SLC2A13: variants seen among roughly 807,000 people sequenced by gnomAD.
The protein encoded by SLC2A13 is solute carrier family 2 member 13, also known as proton myo-inositol cotransporter.
A neutral mutation model predicts 64.4 loss-of-function variants in SLC2A13; 32 were observed. The observed-to-expected ratio is 0.50, with a 90% CI of 0.37 to 0.67. SLC2A13 has a LOEUF of 0.67. Among genes scored for constraint, SLC2A13 ranks in the 30% least tolerant of loss-of-function variants. SLC2A13 has a pLI of 0.00. For missense variants in SLC2A13, 743 were observed against 829.2 expected, an observed-to-expected ratio of 0.90 and a Z score of 1.28; for synonymous variants, 338 against 327.1, an observed-to-expected ratio of 1.03 and a Z score of -0.36.
intron 4 of SLC2A13, among the ~76,000 whole-genome samples, chr12:39,874,200 G>A (rs117346320): frequency 6.6e-6 from 1 of 152,296 alleles, no homozygotes; most frequent in Non-Finnish European, 1.5e-5. Context: ...TTGCCAGCAG[G>A]TCTGACGATC....
intron 6 of SLC2A13, among the ~76,000 whole-genome samples, chr12:39,839,323 CCT>C (rs1294541973): frequency 6.6e-6 from 1 of 151,970 alleles, no homozygotes; most frequent in Non-Finnish European, 1.5e-5. Context: ...CGGTTGATTT[CCT>C]CTCCCTGTTT....
intron 4 of SLC2A13, among the ~76,000 whole-genome samples, chr12:39,909,668 G>A (rs1389862197): frequency 6.6e-6 from 1 of 152,072 alleles, no homozygotes; most frequent in Admixed American, 6.6e-5. Flanking sequence ...GGTAGTCAAG[G>A]GGATCTGATT....
chr12:39,770,944 A>ACC (rs1940542982), intron 7 of SLC2A13, among the ~76,000 whole-genome samples: 1 of 152,154 alleles, frequency 6.6e-6, no homozygotes, highest in Admixed American at 6.5e-5. Flanking sequence ...CTCTAGGTGT[A>ACC]ATATCTCAAA....
intron 7 of SLC2A13, 23 bp downstream of exon 7, chr12:39,830,080 G>T (rs201461644): frequency 2.5e-6 from 4 of 1,612,778 alleles, no homozygotes; most frequent in Non-Finnish European, 2.5e-6. Context: ...TTATATATTC[G>T]TATGGTAAAA....
intron 2 of SLC2A13, among the ~76,000 whole-genome samples, chr12:40,032,011 T>C (rs1409606665): frequency 6.6e-6 from 1 of 152,138 alleles, no homozygotes; most frequent in Non-Finnish European, 1.5e-5. Context: ...TTATTCTAAA[T>C]TAAGTCAGGG....
At chr12:39,902,214 T>G in intron 4 of SLC2A13, among the ~76,000 whole-genome samples, 1 of 137,062 alleles carries the variant, frequency 7.3e-6, no homozygotes, top group Non-Finnish European at 1.6e-5. Context: ...GGGGGAGGGA[T>G]AGCATTAGGA....
intron 3 of SLC2A13, among the ~76,000 whole-genome samples, chr12:39,984,328 A>G (rs1004102815): frequency 6.6e-6 from 1 of 152,112 alleles, no homozygotes; most frequent in Admixed American, 6.6e-5. Context: ...TTAAAGTATA[A>G]TAAAAAAAAA....
intron 3 of SLC2A13, among the ~76,000 whole-genome samples, chr12:40,002,656 T>C (rs1407952939): frequency 6.6e-6 from 1 of 152,224 alleles, no homozygotes; most frequent in East Asian, 1.9e-4. Flanking sequence ...TCTTAGGTCC[T>C]TGAGACTCTG....
chr12:40,053,281 CAAA>C (rs35810974), intron 1 of SLC2A13, among the ~76,000 whole-genome samples: 20 of 69,088 alleles, frequency 2.9e-4, no homozygotes, highest in African/African-American at 7.9e-4. Context: ...GACTCCATCT[CAAA>C]AAAAAAAAAA....
rs970219012 is a variant in SLC2A13, at chr12:40,106,029, T to C, written c.-221A>G. ...CGCTGCGGAGTTGGAGCCCGGCGGG[T>C]CTCACTCCACACTCACGCCCCGCGC... On this transcript the variant is annotated 5_prime_UTR_variant, in exon 1 of 10. Transcript: ENST00000280871. The C allele has an allele frequency of 2.2e-5, 10 of 461,638 alleles. No homozygotes were observed. In the South Asian group the frequency reaches 5.6e-4, roughly 26 times the overall value. 28.6% of individuals were successfully genotyped at this position (461,638 alleles called of 1,614,324 possible). A position where few individuals can be genotyped will look rare whatever the true frequency, so the allele number is the denominator to read the frequency against.
chr12:39,788,445 A>C (rs1941266733), intron 7 of SLC2A13: 1 of 152,172 alleles, frequency 6.6e-6, no homozygotes, highest in Non-Finnish European at 1.5e-5. Context: ...GCATGGATAT[A>C]CTGGACAAAG....
Position 39,756,858 on chromosome 12 carries a change from T to C in SLC2A13, c.*3168A>G, listed in dbSNP as rs1472246066. ...TATGTACTAAAATCAGGTTCAGTGG[T>C]AAAATTAAATTATGAAAAAATAGTC... On this transcript the variant is annotated 3_prime_UTR_variant, in exon 10 of 10. Coordinates refer to ENST00000280871, the MANE Select transcript of SLC2A13 (RefSeq NM_052885.4). 1 of 151,740 alleles carries C rather than the reference T, an allele frequency of 6.6e-6. No individual in the cohort carries two copies. Among genetic ancestry groups the C allele is most frequent in the African/African-American group, 2.4e-5 (1 of 41,408 alleles). 9.4% of individuals were successfully genotyped at this position (151,740 alleles called of 1,614,324 possible). A position where few individuals can be genotyped will look rare whatever the true frequency, so the allele number is the denominator to read the frequency against.
intron 4 of SLC2A13, among the ~76,000 whole-genome samples, chr12:39,911,979 C>T (rs970383272): frequency 7.2e-5 from 11 of 151,986 alleles, no homozygotes; most frequent in Non-Finnish European, 1.2e-4. Flanking sequence ...CTGATTCTGA[C>T]ACTTACCACA....
chr12:40,106,000 C>T lies in SLC2A13; in HGVS notation c.-192G>A. The T allele has an allele frequency of 1.7e-6, 1 of 597,608 alleles. No homozygotes were observed. Among genetic ancestry groups the T allele is most frequent in the South Asian group, 4.2e-5 (1 of 23,604 alleles). 37.0% of individuals were successfully genotyped at this position (597,608 alleles called of 1,614,324 possible). A position where few individuals can be genotyped will look rare whatever the true frequency, so the allele number is the denominator to read the frequency against. On this transcript the variant is annotated 5_prime_UTR_variant, in exon 1 of 10. Transcript: ENST00000280871. The surrounding 1 kb of genome is among the most constrained non-coding windows in gnomAD (Gnocchi z 4.2). ...GGAGAAAGTTGCTGCCCGCCGCGCT[C>T]CGACGCTGCGGAGTTGGAGCCCGGC...
intron 1 of SLC2A13, among the ~76,000 whole-genome samples, chr12:40,082,329 A>G (rs1413864564): frequency 1.3e-5 from 2 of 152,166 alleles, no homozygotes; most frequent in Non-Finnish European, 2.9e-5. Flanking sequence ...TCCCTACCCA[A>G]TCTGCCTGCT....
At chr12:39,942,536 G>A (rs1278501303) in intron 4 of SLC2A13, among the ~76,000 whole-genome samples, 3 of 152,138 alleles carry the variant, frequency 2.0e-5, no homozygotes, top group Non-Finnish European at 2.9e-5. Flanking sequence ...GTATAGAAGA[G>A]CTACTGATTT....
chr12:39,841,725 T>G (rs1276631885), intron 6 of SLC2A13, among the ~76,000 whole-genome samples: 1 of 152,056 alleles, frequency 6.6e-6, no homozygotes, highest in Non-Finnish European at 1.5e-5. Flanking sequence ...GTGTGCAACA[T>G]GCTTTTTTCA....
chr12:39,986,918 T>A (rs748198839), intron 3 of SLC2A13, among the ~76,000 whole-genome samples: 1 of 152,166 alleles, frequency 6.6e-6, no homozygotes, highest in Non-Finnish European at 1.5e-5. Context: ...AGTTGAGCCA[T>A]CAAAAGGCAT....
chr12:40,091,658 G>C (rs17489590), intron 1 of SLC2A13, among the ~76,000 whole-genome samples: 103 of 152,176 alleles, frequency 6.8e-4, no homozygotes, highest in African/African-American at 2.5e-3. Context: ...AACTATAAAG[G>C]TGAAATGAGG....
Sources: allele counts gnomAD v4.1 joint callset (sites outside exome capture counted in the v4.1 genomes callset), GRCh38; gene constraint gnomAD v4.1.1; non-coding constraint Gnocchi (gnomAD v3.1); transcripts MANE v1.5; gene names NCBI Gene and HGNC (gene_info 2026-07-23, HGNC 2026-07-21).